The following INO80 variants were observed in gnomAD, a reference collection of about 807,000 sequenced individuals.
INO80 encodes the protein INO80 complex ATPase subunit.
INO80 carries 20 observed loss-of-function variants against 203.4 expected under a neutral mutation model. The ratio of observed to expected loss-of-function variants is 0.10; its 90% CI spans 0.07 to 0.14. INO80 has a LOEUF of 0.14. Among genes scored for constraint, INO80 ranks in the 10% least tolerant of loss-of-function variants. INO80 has a pLI of 1.00. For synonymous variants in INO80, 726 were observed against 685.2 expected, an observed-to-expected ratio of 1.06 and a Z score of -0.93; for missense variants, 1,419 against 1,914.4, an observed-to-expected ratio of 0.74 and a Z score of 4.83.
chr15:41,066,358 C>CTT (rs1405856611), intron 14 of INO80, among the ~76,000 whole-genome samples: 1 of 151,980 alleles, frequency 6.6e-6, no homozygotes, highest in Non-Finnish European at 1.5e-5. Context: ...ACAAGGTCTA[C>CTT]GTTGGCAAGG....
Position 40,983,843 on chromosome 15 carries a change from C to T in INO80, c.4156G>A (p.Asp1386Asn). 6.2e-7 allele frequency: 1 copy of T among 1,613,114 alleles called. No individual in the cohort carries two copies. The highest frequency in any genetic ancestry group is 2.2e-5 in the East Asian group (1 of 44,878). Residue 1386 changes from aspartate to asparagine, a missense_variant, in exon 34 of 36, where the codon GAC becomes AAC. By Grantham distance (23) the Asp-to-Asn change is conservative. This residue lies in a region of INO80 where 214 missense variants were observed against 248.9 expected (regional missense o/e 0.86). Coordinates refer to ENST00000648947, the MANE Select transcript of INO80 (RefSeq NM_017553.3). ...SSSDMLVIVD[D>N]PASSAPQSRA... Reference sequence around the variant, plus strand: ...GACTGAGGGGCTGAGGAGGCTGGGTCATCCACAATGACCAGCATGTCACTG... The same window carrying T: ...GACTGAGGGGCTGAGGAGGCTGGGTTATCCACAATGACCAGCATGTCACTG...
intron 1 of INO80, among the ~76,000 whole-genome samples, chr15:41,097,235 G>A (rs1490353474): frequency 5.3e-5 from 8 of 151,812 alleles, no homozygotes; most frequent in Admixed American, 2.0e-4. Flanking sequence ...TAGTGGAGAC[G>A]GGGTTTCACC....
intron 19 of INO80, among the ~76,000 whole-genome samples, chr15:41,053,333 C>T (rs1038210135): frequency 3.3e-5 from 5 of 152,034 alleles, no homozygotes; most frequent in African/African-American, 1.2e-4. Context: ...TCTCGATTTC[C>T]TGACCTCATG....
intron 27 of INO80, among the ~76,000 whole-genome samples, chr15:41,011,975 G>A (rs1300410395): frequency 6.6e-6 from 1 of 152,130 alleles, no homozygotes; most frequent in Non-Finnish European, 1.5e-5. Flanking sequence ...ACCACATATA[G>A]CATAAGCTGA....
intron 24 of INO80, among the ~76,000 whole-genome samples, chr15:41,033,371 T>C (rs1166545754): frequency 6.6e-6 from 1 of 151,258 alleles, no homozygotes; most frequent in Admixed American, 6.6e-5. Flanking sequence ...CACAATCTCG[T>C]TACCCAGGCT....
At chr15:41,112,947 G>T (rs1202187836) in intron 1 of INO80, among the ~76,000 whole-genome samples, 1 of 151,570 alleles carries the variant, frequency 6.6e-6, no homozygotes, top group Non-Finnish European at 1.5e-5. Context: ...GCCAGCTCGG[G>T]CTCTGTCGCC....
intron 24 of INO80, among the ~76,000 whole-genome samples, chr15:41,037,408 G>A (rs1341242564): frequency 6.6e-6 from 1 of 151,938 alleles, no homozygotes; most frequent in Non-Finnish European, 1.5e-5. Context: ...GGAGGCTGAG[G>A]CAGGAGACTA....
At chr15:41,025,023 C>T (rs899179114) in intron 25 of INO80, among the ~76,000 whole-genome samples, 2 of 152,138 alleles carry the variant, frequency 1.3e-5, no homozygotes. Context: ...GTAATTACTC[C>T]CATTTTCAGG....
At chr15:41,049,163 TC>T in intron 21 of INO80, 123 bp downstream of exon 21, 5 of 751,896 alleles carry the variant, frequency 6.6e-6, no homozygotes, top group Non-Finnish European at 1.0e-5. Flanking sequence ...CAAATAGTTG[TC>T]CACCCTTTGC....
chr15:41,090,001 C>T lies in INO80; in HGVS notation c.537+2026G>A, dbSNP rs1012243839. Reference sequence around the variant, plus strand: ...AGTATATAATGAAGAGAAACGAAAACACATCAACACAAAACCTGTACACAA... The same window carrying T: ...AGTATATAATGAAGAGAAACGAAAATACATCAACACAAAACCTGTACACAA... On this transcript the variant is annotated intron_variant, in intron 5 of 35. Transcript: ENST00000648947. Among the ~76,000 whole-genome samples the T allele has an allele frequency of 1.5e-3, 229 of 152,240 alleles. 1 individual carries two copies. The highest frequency in any genetic ancestry group is 4.4e-4 in the Non-Finnish European group (30 of 68,014).
At chr15:41,045,276 C>T (rs1019161141) in intron 23 of INO80, among the ~76,000 whole-genome samples, 5 of 152,092 alleles carry the variant, frequency 3.3e-5, no homozygotes, top group South Asian at 4.1e-4. Flanking sequence ...TAAAATCCTC[C>T]GCAAAGCTCC....
intron 29 of INO80, among the ~76,000 whole-genome samples, chr15:40,989,469 T>G (rs747132008): frequency 5.5e-4 from 84 of 152,296 alleles, no homozygotes; most frequent in Non-Finnish European, 9.3e-4. Context: ...GTCCTTTATA[T>G]CCAATCAAAA....
intron 24 of INO80, among the ~76,000 whole-genome samples, chr15:41,033,591 A>G (rs758094580): frequency 6.6e-6 from 1 of 152,208 alleles, no homozygotes; most frequent in Admixed American, 6.5e-5. Context: ...AAGGTGTGCG[A>G]AAGTTCTGAC....
intron 24 of INO80, among the ~76,000 whole-genome samples, chr15:41,032,053 C>CACAGG (rs2044493065): frequency 1.5e-5 from 1 of 67,938 alleles, no homozygotes; most frequent in African/African-American, 4.7e-5. Flanking sequence ...CACAGCACAG[C>CACAGG]ACAGCACAGG....
intron 14 of INO80, among the ~76,000 whole-genome samples, chr15:41,068,634 G>C (rs1041799719): frequency 6.6e-6 from 1 of 151,992 alleles, no homozygotes. Context: ...CAGGCATGTG[G>C]ATCACCTGAG....
chr15:41,076,767 T>C (rs1011734607), intron 9 of INO80, among the ~76,000 whole-genome samples: 6 of 151,936 alleles, frequency 3.9e-5, no homozygotes, highest in Admixed American at 3.9e-4. Flanking sequence ...TACTCTAAAA[T>C]AACCTAAGAA....
At chr15:40,987,320 T>A in intron 30 of INO80, 127 bp from the exon 31 acceptor site, 1 of 584,700 alleles carries the variant, frequency 1.7e-6, no homozygotes, top group South Asian at 2.3e-5. Context: ...ATTTCTTCTT[T>A]TCTCCCTTTT....
At chr15:41,003,394 A>T (rs1165877364) in intron 28 of INO80, among the ~76,000 whole-genome samples, 3 of 120,202 alleles carry the variant, frequency 2.5e-5, no homozygotes, top group Non-Finnish European at 4.9e-5. Context: ...GGAGTGGTGG[A>T]TCTCTGCTCA....
At chr15:40,991,061 T>A (rs1030993388) in intron 29 of INO80, among the ~76,000 whole-genome samples, 1 of 152,152 alleles carries the variant, frequency 6.6e-6, no homozygotes, top group African/African-American at 2.4e-5. Context: ...AATTGTTTCA[T>A]AAGTACTGTC....
Sources: allele counts gnomAD v4.1 joint callset (sites outside exome capture counted in the v4.1 genomes callset), GRCh38; gene constraint gnomAD v4.1.1; regional missense constraint gnomAD v4.1.1; transcripts MANE v1.5; gene names NCBI Gene and HGNC (gene_info 2026-07-23, HGNC 2026-07-21).